Variants in KDM5A observed in about 807,000 individuals in gnomAD.
KDM5A encodes lysine demethylase 5A.
A neutral mutation model predicts 193.5 loss-of-function variants in KDM5A; 42 were observed. The ratio of observed to expected loss-of-function variants is 0.22; its 90% CI spans 0.17 to 0.28. The LOEUF is 0.28. Among genes scored for constraint, KDM5A ranks in the 10% least tolerant of loss-of-function variants. The pLI is 1.00. For missense variants in KDM5A, 1,692 were observed against 2,055.1 expected (o/e 0.82, Z 3.42); for synonymous variants, 796 against 718.1 (o/e 1.11, Z -1.73).
At chr12:298,205 G>T (rs962189382) in intron 24 of KDM5A, among the ~76,000 whole-genome samples, 2 of 152,234 alleles carry the variant, frequency 1.3e-5, no homozygotes, top group Non-Finnish European at 2.9e-5. Flanking sequence ...ATAAGCAACA[G>T]AATGCCTCCT....
At chr12:357,852 A>AAAAAAAAAAAAAAAAAAAAC (rs1944246280) in intron 5 of KDM5A, among the ~76,000 whole-genome samples, 1 of 149,244 alleles carries the variant, frequency 6.7e-6, no homozygotes, top group African/African-American at 2.5e-5. Context: ...AAAAAAAAAA[A>AAAAAAAAAAAAAAAAAAAAC]AAGCCCTTTT....
At position 382,373 on chromosome 12, in the gene KDM5A, G is replaced by A. The variant is rs371020855; in HGVS notation, c.366+1658C>T. Among the ~76,000 whole-genome samples the A allele has an allele frequency of 5.3e-5, 8 of 151,730 alleles. No homozygotes were observed. In the South Asian group the frequency reaches 1.7e-3, roughly 32 times the overall value. ...TTGAACCCGGGAGGCTGAGGCAGAAGAATCACTTGAACCCGGGAGGTGGAG... is the reference window on the plus strand; with the variant it reads ...TTGAACCCGGGAGGCTGAGGCAGAAAAATCACTTGAACCCGGGAGGTGGAG... On this transcript the variant is annotated intron_variant, in intron 3 of 27. Transcript: ENST00000399788.
rs529219379 is a variant in KDM5A, at chr12:344,674, T to A, written c.1308+5947A>T. Among the ~76,000 whole-genome samples the A allele has an allele frequency of 7.2e-5, 11 of 152,256 alleles. No homozygotes were observed. In the East Asian group the frequency reaches 1.7e-3, roughly 24 times the overall value. ...TCATAGCCAGCCAAACTAAGCCTCA[T>A]AAGTGAAGGAGAAATAAAATCCTTT... On this transcript the variant is annotated intron_variant, in intron 10 of 27. Coordinates refer to ENST00000399788, the MANE Select transcript of KDM5A (RefSeq NM_001042603.3).
intron 3 of KDM5A, among the ~76,000 whole-genome samples, chr12:370,421 A>C (rs963317729): frequency 6.6e-6 from 1 of 152,182 alleles, no homozygotes; most frequent in Admixed American, 6.5e-5. Flanking sequence ...AAAATAAAAT[A>C]CAAACCATTT....
At chr12:360,306 C>T (rs1944279114) in intron 5 of KDM5A, among the ~76,000 whole-genome samples, 1 of 151,674 alleles carries the variant, frequency 6.6e-6, no homozygotes, top group Admixed American at 6.6e-5. Flanking sequence ...GAGTTCTGAG[C>T]ATTACAGGCA....
intron 10 of KDM5A, among the ~76,000 whole-genome samples, chr12:340,520 C>T (rs1943990243): frequency 6.6e-6 from 1 of 151,800 alleles, no homozygotes; most frequent in Admixed American, 6.6e-5. Context: ...ATGGTGAAAC[C>T]CTGTCTCTAC....
chr12:366,796 C>G (rs1285163832), intron 3 of KDM5A, among the ~76,000 whole-genome samples: 1 of 152,196 alleles, frequency 6.6e-6, no homozygotes, highest in Non-Finnish European at 1.5e-5. Flanking sequence ...CGTCCAGGAG[C>G]TGTTACTATA....
chr12:350,846 C>A, intron 9 of KDM5A, 67 bp from the exon 10 acceptor site: 1 of 1,387,234 alleles, frequency 7.2e-7, no homozygotes, highest in Non-Finnish European at 1.0e-6. Flanking sequence ...TAACATAATA[C>A]ACAGGATCAA....
intron 3 of KDM5A, among the ~76,000 whole-genome samples, chr12:378,371 C>T (rs1339192501): frequency 6.6e-6 from 1 of 152,114 alleles, no homozygotes; most frequent in East Asian, 1.9e-4. Context: ...GATCCTCCAG[C>T]TTCAGCTTCT....
At position 358,960 on chromosome 12, in the gene KDM5A, G is replaced by A. The variant is rs545659042; in HGVS notation, c.673-2423C>T. Reference sequence around the variant, plus strand: ...CACTCCAGCCTGGGCGACAGAGCAAGACTCCATCTCAAAAAAATAAATAAA... The same window carrying A: ...CACTCCAGCCTGGGCGACAGAGCAAAACTCCATCTCAAAAAAATAAATAAA... On this transcript the variant is annotated intron_variant, in intron 5 of 27. Transcript: ENST00000399788. Among the ~76,000 whole-genome samples, 10 of 150,388 alleles carry A rather than the reference G, an allele frequency of 6.6e-5. No homozygotes were observed. In the South Asian group the frequency reaches 2.1e-3, roughly 32 times the overall value.
Position 314,788 on chromosome 12 carries a change from C to T in KDM5A, c.2898-1594G>A, listed in dbSNP as rs181047270. ...CACAGGAGAATAAAATAAACATGCACAAAGATGCAGAGAAAGAACACAGAT... is the reference window on the plus strand; with the variant it reads ...CACAGGAGAATAAAATAAACATGCATAAAGATGCAGAGAAAGAACACAGAT... On this transcript the variant is annotated intron_variant, in intron 19 of 27. Coordinates refer to ENST00000399788, the MANE Select transcript of KDM5A (RefSeq NM_001042603.3). Among the ~76,000 whole-genome samples, 5 of 152,034 alleles carry T rather than the reference C, an allele frequency of 3.3e-5. No homozygotes were observed. In the East Asian group the frequency reaches 5.8e-4, roughly 18 times the overall value.
At chr12:388,900 C>T (rs377375300) in intron 1 of KDM5A, 27 bp downstream of exon 1, 1 of 1,612,846 alleles carries the variant, frequency 6.2e-7, no homozygotes, top group Non-Finnish European at 8.5e-7. Flanking sequence ...CTTCCTTCTC[C>T]CCCTCTCTCT....
Position 307,679 on chromosome 12 carries a change from C to T in KDM5A, c.3705G>A (p.Lys1235=), listed in dbSNP as rs759584455. The T allele has an allele frequency of 5.6e-6, 9 of 1,614,074 alleles. No individual in the cohort carries two copies. Among genetic ancestry groups the T allele is most frequent in the Non-Finnish European group, 7.6e-6 (9 of 1,180,036 alleles). ...CTCCTTCAGGCAACCGTACGGGCAA[C>T]TTCTGAAGGGATACCAGGAGTGACA... ...TILSLLVSLQ[K]LPVRLPEGEA... The change falls in exon 23 of 28, where the codon AAG becomes AAA. Residue 1235 remains lysine (K), a synonymous_variant. Coordinates refer to ENST00000399788, the MANE Select transcript of KDM5A (RefSeq NM_001042603.3). This position sits in a 1 kb window ranked among gnomAD's most constrained non-coding sequence, Gnocchi z 4.3.
At chr12:377,178 T>C (rs1278496025) in intron 3 of KDM5A, among the ~76,000 whole-genome samples, 2 of 152,076 alleles carry the variant, frequency 1.3e-5, no homozygotes, top group African/African-American at 4.8e-5. Flanking sequence ...AGCAGAAAAC[T>C]GGAGATTTAC....
chr12:331,780 G>A (rs756433071), intron 13 of KDM5A, 39 bp downstream of exon 13: 2 of 1,612,112 alleles, frequency 1.2e-6, no homozygotes, highest in South Asian at 1.1e-5. Flanking sequence ...TTATAGGGGG[G>A]TTAGTAGACG....
intron 1 of KDM5A, chr12:388,292 A>C: frequency 2.2e-6 from 1 of 456,024 alleles, no homozygotes; most frequent in South Asian, 1.5e-5. Flanking sequence ...AATAACTGTG[A>C]TTCTAAAATC....
intron 10 of KDM5A, among the ~76,000 whole-genome samples, chr12:337,927 G>A (rs1398692887): frequency 6.6e-6 from 1 of 152,094 alleles, no homozygotes; most frequent in East Asian, 1.9e-4. Flanking sequence ...ACAAGCATGA[G>A]CCACCGTGCC....
intron 19 of KDM5A, among the ~76,000 whole-genome samples, chr12:316,627 CAT>C (rs1303724612): frequency 6.6e-6 from 1 of 152,178 alleles, no homozygotes; most frequent in Non-Finnish European, 1.5e-5. Context: ...TTATCAAAAT[CAT>C]AGTTTTACAT....
At chr12:371,111 A>G (rs982998237) in intron 3 of KDM5A, among the ~76,000 whole-genome samples, 2 of 152,224 alleles carry the variant, frequency 1.3e-5, no homozygotes, top group East Asian at 3.8e-4. Context: ...CATGATTTAT[A>G]ATCCTTTGGG....
Sources: gnomAD v4.1 joint callset for allele counts (sites outside exome capture counted in the v4.1 genomes callset) on GRCh38, gnomAD v4.1.1 for gene constraint, Gnocchi (gnomAD v3.1) non-coding constraint, MANE v1.5 for transcripts, NCBI Gene and HGNC (gene_info 2026-07-23, HGNC 2026-07-21) for gene names.